Variants in TBPL1 observed in about 807,000 individuals in gnomAD.
TBPL1 encodes TATA box-binding protein-like 1.
A neutral mutation model predicts 22.1 loss-of-function variants in TBPL1; 4 were observed. The ratio of observed to expected loss-of-function variants is 0.18; its 90% confidence interval spans 0.09 to 0.41. TBPL1 has a LOEUF of 0.41. Among genes scored for constraint, TBPL1 ranks in the 10% least tolerant of loss-of-function variants. The probability of loss-of-function intolerance (pLI) is 1.00; values close to 1 mark genes in which losing one functional copy is unlikely to be tolerated. For missense variants in TBPL1, 115 were observed against 222.3 expected (o/e 0.52, Z 3.07); for synonymous variants, 64 against 71.0 (o/e 0.90, Z 0.50).
rs183290667 is a variant in TBPL1 at position 133,953,226 on chromosome 6, C to G, written c.-244C>G. 6.5e-6 allele frequency: 1 copy of G among 152,774 alleles called. No individual in the cohort carries two copies. The highest frequency in any genetic ancestry group is 6.5e-5 in the Admixed American group (1 of 15,290). The allele number at this position is 152,774 out of a possible 1,614,324, so 9.5% of individuals were successfully genotyped here. A position where few individuals can be genotyped will look rare whatever the true frequency, so the allele number is the denominator to read the frequency against. On this transcript the variant is annotated 5_prime_UTR_variant, in exon 1 of 7. Coordinates refer to ENST00000237264, the MANE Select transcript of TBPL1 (RefSeq NM_004865.4). ...TGTCGCGGGGAAGCTGCGGCCGCCTCGCACCCGGAACAACAAAGCAAGGAA... is the reference window on the plus strand; with the variant it reads ...TGTCGCGGGGAAGCTGCGGCCGCCTGGCACCCGGAACAACAAAGCAAGGAA...
At chr6:133,957,683 C>T (rs987684573) in intron 1 of TBPL1, among the ~76,000 whole-genome samples, 1 of 152,240 alleles carries the variant, frequency 6.6e-6, no homozygotes, top group African/African-American at 2.4e-5. Context: ...TGTTCAGCAT[C>T]ATGGCTGTGC....
At chr6:133,963,057 G>T (rs545904017) in intron 1 of TBPL1, among the ~76,000 whole-genome samples, 32 of 152,230 alleles carry the variant, frequency 2.1e-4, no homozygotes, top group Non-Finnish European at 4.7e-4. Context: ...ATTGAATTCA[G>T]CAATGAGCCA....
At chr6:133,986,104 T>C (rs770418903) in intron 6 of TBPL1, 3 of 152,198 alleles carry the variant, frequency 2.0e-5, no homozygotes, top group Non-Finnish European at 2.9e-5. Flanking sequence ...TGTTACTGAA[T>C]TGGTTCCCAT....
intron 1 of TBPL1, among the ~76,000 whole-genome samples, chr6:133,967,061 T>C (rs1264264008): frequency 2.6e-5 from 4 of 152,264 alleles, no homozygotes; most frequent in Non-Finnish European, 4.4e-5. Flanking sequence ...CCTAGTCTTA[T>C]GCCACTTTCC....
At chr6:133,956,574 T>G (rs1441221334) in intron 1 of TBPL1, among the ~76,000 whole-genome samples, 1 of 151,992 alleles carries the variant, frequency 6.6e-6, no homozygotes, top group Non-Finnish European at 1.5e-5. Flanking sequence ...ATCATCATAT[T>G]GTATGTCCCT....
At chr6:133,975,575 C>G (rs1776298881) in intron 1 of TBPL1, among the ~76,000 whole-genome samples, 1 of 152,054 alleles carries the variant, frequency 6.6e-6, no homozygotes, top group Admixed American at 6.6e-5. Flanking sequence ...AATCTTGATG[C>G]TCAAACCAGA....
intron 1 of TBPL1, among the ~76,000 whole-genome samples, chr6:133,966,363 T>G (rs1216248873): frequency 6.6e-6 from 1 of 152,176 alleles, no homozygotes; most frequent in African/African-American, 2.4e-5. Flanking sequence ...ATAGTAACAT[T>G]ACCATTGACC....
chr6:133,983,332 G>T (rs547844033), intron 4 of TBPL1, among the ~76,000 whole-genome samples: 80 of 152,318 alleles, frequency 5.3e-4, no homozygotes, highest in African/African-American at 1.8e-3. Flanking sequence ...CTTGATAGAG[G>T]TATACCTTTG....
chr6:133,966,827 C>T (rs887899078), intron 1 of TBPL1, among the ~76,000 whole-genome samples: 5 of 152,204 alleles, frequency 3.3e-5, no homozygotes, highest in African/African-American at 1.2e-4. Flanking sequence ...AACCACAGTA[C>T]TACCACTGTG....
At chr6:133,986,810 A>G in intron 6 of TBPL1, 151 bp from the exon 7 acceptor site, 1 of 500,086 alleles carries the variant, frequency 2.0e-6, no homozygotes, top group Non-Finnish European at 3.5e-6. Context: ...TATTATGGCT[A>G]TGTGTATAAT....
chr6:133,985,034 A>C (rs1235504506), intron 6 of TBPL1, among the ~76,000 whole-genome samples: 1 of 151,778 alleles, frequency 6.6e-6, no homozygotes, highest in Non-Finnish European at 1.5e-5. Context: ...TAAGCCCAGC[A>C]CTTGGAAGGC....
intron 2 of TBPL1, 113 bp downstream of exon 2, chr6:133,980,373 G>C (rs182694560): frequency 4.1e-6 from 5 of 1,218,020 alleles, no homozygotes; most frequent in Non-Finnish European, 5.5e-6. Flanking sequence ...ACCATGTGCT[G>C]GTTGTCCTGG....
chr6:133,961,216 A>T (rs1291199909), intron 1 of TBPL1, among the ~76,000 whole-genome samples: 1 of 152,148 alleles, frequency 6.6e-6, no homozygotes, highest in African/African-American at 2.4e-5. Context: ...TTCTTAAGGT[A>T]TTCATTTAAT....
At chr6:133,956,352 C>T (rs999900837) in intron 1 of TBPL1, among the ~76,000 whole-genome samples, 3 of 152,132 alleles carry the variant, frequency 2.0e-5, no homozygotes, top group African/African-American at 7.2e-5. Context: ...GTCAGGTGTG[C>T]AAAGCTGGAT....
Position 133,982,585 on chromosome 6 carries a change from T to A in TBPL1, c.153T>A (p.Leu51=). ...KRDVGKVLMK[L]RKPRITATIW... ...CCCCCCAGAAAGTATTAATGAAGCT[T>A]AGAAAACCTAGAATTACAGCTACAA... The change falls in exon 3 of 7, where the codon CTT becomes CTA. Residue 51 remains leucine (L), a synonymous_variant. Transcript: ENST00000237264. The A allele has an allele frequency of 6.2e-7, 1 of 1,613,106 alleles. No individual in the cohort carries two copies. Among genetic ancestry groups the A allele is most frequent in the Non-Finnish European group, 8.5e-7 (1 of 1,179,650 alleles).
At chr6:133,986,931 T>C in intron 6 of TBPL1, 30 bp from the exon 7 acceptor site, 1 of 1,524,666 alleles carries the variant, frequency 6.6e-7, no homozygotes, top group Non-Finnish European at 8.9e-7. Flanking sequence ...CCAACTCTTC[T>C]CACTCCTTCC....
chr6:133,964,879 A>T (rs1421621289), intron 1 of TBPL1, among the ~76,000 whole-genome samples: 1 of 152,228 alleles, frequency 6.6e-6, no homozygotes, highest in Non-Finnish European at 1.5e-5. Flanking sequence ...GGGTAACTCT[A>T]TAAAAACAGT....
At chr6:133,960,986 G>C (rs1362862376) in intron 1 of TBPL1, among the ~76,000 whole-genome samples, 1 of 152,194 alleles carries the variant, frequency 6.6e-6, no homozygotes, top group African/African-American at 2.4e-5. Flanking sequence ...GAACACAGTT[G>C]CTCTTCAGGA....
chr6:133,974,816 T>C (rs777012129), intron 1 of TBPL1, among the ~76,000 whole-genome samples: 1 of 152,248 alleles, frequency 6.6e-6, no homozygotes, highest in Non-Finnish European at 1.5e-5. Flanking sequence ...TGTCATCTTA[T>C]TCTTTTAAGT....
Sources: gnomAD v4.1 joint callset for allele counts (sites outside exome capture counted in the v4.1 genomes callset) on GRCh38, gnomAD v4.1.1 for gene constraint, MANE v1.5 for transcripts, NCBI Gene and HGNC (gene_info 2026-07-23, HGNC 2026-07-21) for gene names.